The following RIMS3 variants were observed in gnomAD, a reference collection of about 807,000 sequenced individuals.
The protein encoded by RIMS3 is regulating synaptic membrane exocytosis protein 3.
Under a neutral mutation model 29.2 loss-of-function variants are expected in RIMS3, and 15 were observed. The observed-to-expected ratio is 0.51, with a 90% CI of 0.34 to 0.79. RIMS3 has a LOEUF of 0.79. Ranked by LOEUF, RIMS3 falls within the 30% of genes least tolerant of loss-of-function variation. The pLI, the probability that RIMS3 is intolerant of heterozygous loss-of-function variation, is 0.01. For synonymous variants in RIMS3, 161 were observed against 170.1 expected, an observed-to-expected ratio of 0.95 and a Z score of 0.41; for missense variants, 342 against 421.4, an observed-to-expected ratio of 0.81 and a Z score of 1.65.
At chr1:40,648,312 C>T (rs938726242) in intron 1 of RIMS3, among the ~76,000 whole-genome samples, 7 of 152,174 alleles carry the variant, frequency 4.6e-5, no homozygotes, top group Admixed American at 3.9e-4. Flanking sequence ...CTCTACAAAA[C>T]GAGTCTAATC....
chr1:40,627,096 C>G (rs1447574309), intron 7 of RIMS3, among the ~76,000 whole-genome samples: 2 of 152,158 alleles, frequency 1.3e-5, no homozygotes, highest in African/African-American at 4.8e-5. Flanking sequence ...CCCAGCATTT[C>G]AGATAACAGC....
At chr1:40,655,996 G>C (rs1237280729) in intron 1 of RIMS3, among the ~76,000 whole-genome samples, 1 of 152,200 alleles carries the variant, frequency 6.6e-6, no homozygotes, top group African/African-American at 2.4e-5. Flanking sequence ...CTGGGCGACA[G>C]AGACTCCGTC....
In RIMS3 at chr1:40,624,890, C is replaced by A. The variant is rs1646444087; in HGVS notation, c.*1627G>T. 1 of 152,612 alleles carries A rather than the reference C, an allele frequency of 6.6e-6. No individual in the cohort carries two copies. Among genetic ancestry groups the A allele is most frequent in the Admixed American group, 6.5e-5 (1 of 15,274 alleles). The allele number at this position is 152,612 out of a possible 1,614,324, so 9.5% of individuals were successfully genotyped here. On this transcript the variant is annotated 3_prime_UTR_variant, in exon 8 of 8. Coordinates refer to ENST00000372684, the MANE Select transcript of RIMS3 (RefSeq NM_014747.3). ...GTACCCCTGCCTCAGGTGCTGGGGC[C>A]ACAGCCATTTCAGCACCTGGGGATA...
chr1:40,623,501 C>T lies in RIMS3; in HGVS notation c.*3016G>A, dbSNP rs542257719. 5 of 398,678 alleles carry T rather than the reference C, an allele frequency of 1.3e-5. No homozygotes were observed. The highest frequency in any genetic ancestry group is 8.2e-5 in the African/African-American group (4 of 48,754). The allele number at this position is 398,678 out of a possible 1,614,324, so 24.7% of individuals were successfully genotyped here. Reference sequence around the variant, plus strand: ...CTGTCTCTGCCATATGCACAGTGAACCTCGCCTGACCAGAGGAGGTGGAAT... The same window carrying T: ...CTGTCTCTGCCATATGCACAGTGAATCTCGCCTGACCAGAGGAGGTGGAAT... On this transcript the variant is annotated 3_prime_UTR_variant, in exon 8 of 8. Coordinates refer to ENST00000372684, the MANE Select transcript of RIMS3 (RefSeq NM_014747.3).
At chr1:40,684,718 T>C in the RIMS3 span, among the ~76,000 whole-genome samples, 1 of 152,336 alleles carries the variant, frequency 6.6e-6, no homozygotes, top group East Asian at 1.9e-4. Flanking sequence ...AGACAGGTTG[T>C]ATGGAGAAAT....
chr1:40,678,322 C>G, the RIMS3 span, among the ~76,000 whole-genome samples: 1 of 152,324 alleles, frequency 6.6e-6, no homozygotes, highest in South Asian at 2.1e-4. Context: ...GCAGGAAAAT[C>G]GCTTGAACCT....
chr1:40,645,074 C>T (rs1017239745), intron 2 of RIMS3, among the ~76,000 whole-genome samples: 3 of 152,156 alleles, frequency 2.0e-5, no homozygotes, highest in Non-Finnish European at 1.5e-5. Flanking sequence ...CTGCCTGGAC[C>T]GATCTCATTC....
Position 40,625,801 on chromosome 1 carries a change from G to A in RIMS3, c.*716C>T, listed in dbSNP as rs1307716336. ...CCTCGTGCTTCACTGGAAGAAGGAG[G>A]AGGTTCCAGCCTCATAGAGAAAGTC... On this transcript the variant is annotated 3_prime_UTR_variant, in exon 8 of 8. Coordinates refer to ENST00000372684, the MANE Select transcript of RIMS3 (RefSeq NM_014747.3). The A allele has an allele frequency of 6.5e-6, 1 of 153,020 alleles. No individual in the cohort carries two copies. Among genetic ancestry groups the A allele is most frequent in the Non-Finnish European group, 1.5e-5 (1 of 68,382 alleles). The allele number at this position is 153,020 out of a possible 1,614,324, so 9.5% of individuals were successfully genotyped here. A position where few individuals can be genotyped will look rare whatever the true frequency, so the allele number is the denominator to read the frequency against.
rs1642244082 is a variant in RIMS3, at chr1:40,654,449, C to T, written c.-206-6607G>A. ...TCCGGTTGGCCACTCCGACGCGCCA[C>T]AGAGCGAGATGCACGCTGTACAAAG... On this transcript the variant is annotated intron_variant, in intron 1 of 7. Transcript: ENST00000372684. This position sits in a 1 kb window ranked among gnomAD's most constrained non-coding sequence, Gnocchi z 5.3. 1.3e-5 allele frequency among the ~76,000 whole-genome samples: 2 copies of T among 152,334 alleles called. No homozygotes were observed. The highest frequency in any genetic ancestry group is 2.1e-4 in the South Asian group (1 of 4,826).
chr1:40,689,315 T>C, the RIMS3 span, among the ~76,000 whole-genome samples: 110 of 152,296 alleles, frequency 7.2e-4, no homozygotes, highest in Admixed American at 1.5e-3. Flanking sequence ...AGAGTCTCAC[T>C]CTGTCGCCCA....
At chr1:40,658,894 C>T (rs968484980) in intron 1 of RIMS3, among the ~76,000 whole-genome samples, 6 of 152,118 alleles carry the variant, frequency 3.9e-5, no homozygotes, top group Non-Finnish European at 7.3e-5. Flanking sequence ...GAGTGGGTTT[C>T]TGTATATAAG....
At chr1:40,662,373 G>A (rs924982040) in intron 1 of RIMS3, among the ~76,000 whole-genome samples, 2 of 151,806 alleles carry the variant, frequency 1.3e-5, no homozygotes, top group African/African-American at 4.8e-5. Context: ...ACCTTTCCCA[G>A]ATTACAGACT....
the RIMS3 span, among the ~76,000 whole-genome samples, chr1:40,689,240 A>AATTTTG: frequency 6.6e-6 from 1 of 152,222 alleles, no homozygotes; most frequent in African/African-American, 2.4e-5. Flanking sequence ...GCAAAATTGT[A>AATTTTG]AGATAGCTCA....
the RIMS3 span, among the ~76,000 whole-genome samples, chr1:40,678,969 G>A: frequency 6.6e-6 from 1 of 152,256 alleles, no homozygotes; most frequent in African/African-American, 2.4e-5. Flanking sequence ...GGGTAGACTA[G>A]AGATTAATAG....
the RIMS3 span, among the ~76,000 whole-genome samples, chr1:40,685,630 A>G: frequency 1.3e-5 from 2 of 152,004 alleles, no homozygotes; most frequent in African/African-American, 2.4e-5. Context: ...CGTTGGGCTC[A>G]GTTATTGGCT....
chr1:40,627,286 T>C (rs768571827), intron 7 of RIMS3, among the ~76,000 whole-genome samples: 1 of 152,172 alleles, frequency 6.6e-6, no homozygotes, highest in Non-Finnish European at 1.5e-5. Context: ...TGGAGTGCAG[T>C]GGCGCAATCT....
intron 2 of RIMS3, among the ~76,000 whole-genome samples, chr1:40,642,359 T>C (rs1225290545): frequency 6.6e-6 from 1 of 152,206 alleles, no homozygotes; most frequent in Admixed American, 6.5e-5. Flanking sequence ...TTACATTAAA[T>C]AATGCACAGG....
In RIMS3 at chr1:40,635,483, C is replaced by T. The variant is rs772620577; in HGVS notation, c.359+433G>A. ...GAGTCACCATCCATGGTTTGAAAAACACTGATCTAGTCCAATCTCCTTCCC... is the reference window on the plus strand; with the variant it reads ...GAGTCACCATCCATGGTTTGAAAAATACTGATCTAGTCCAATCTCCTTCCC... On this transcript the variant is annotated intron_variant, in intron 4 of 7. Coordinates refer to ENST00000372684, the MANE Select transcript of RIMS3 (RefSeq NM_014747.3). This position sits in a 1 kb window ranked among gnomAD's most constrained non-coding sequence, Gnocchi z 4.1. Among the ~76,000 whole-genome samples the T allele has an allele frequency of 1.3e-5, 2 of 152,210 alleles. No individual in the cohort carries two copies. Among genetic ancestry groups the T allele is most frequent in the Non-Finnish European group, 2.9e-5 (2 of 68,038 alleles).
rs148657490 is a variant in RIMS3, at chr1:40,623,329, C to A, written c.*3188G>T. 8.5e-5 allele frequency: 34 copies of A among 398,394 alleles called. No individual in the cohort carries two copies. The highest frequency in any genetic ancestry group is 6.6e-5 in the Non-Finnish European group (15 of 226,022). 24.7% of individuals were successfully genotyped at this position (398,394 alleles called of 1,614,324 possible). A position where few individuals can be genotyped will look rare whatever the true frequency, so the allele number is the denominator to read the frequency against. On this transcript the variant is annotated 3_prime_UTR_variant, in exon 8 of 8. Coordinates refer to ENST00000372684, the MANE Select transcript of RIMS3 (RefSeq NM_014747.3). ...CAAGACTTGGCTCCATTTACTGGAG[C>A]CTTTTTCATACCAAAAACCCATTGC...
Sources: allele counts gnomAD v4.1 joint callset (sites outside exome capture counted in the v4.1 genomes callset), GRCh38; gene constraint gnomAD v4.1.1; non-coding constraint Gnocchi (gnomAD v3.1); transcripts MANE v1.5; gene names NCBI Gene and HGNC (gene_info 2026-07-23, HGNC 2026-07-21).